Variants in MDFIC2 observed in about 807,000 individuals in gnomAD.
The protein encoded by MDFIC2 is myoD family inhibitor domain-containing protein 2.
intron 2 of MDFIC2, among the ~76,000 whole-genome samples, chr3:70,300,545 C>A (rs1702337366): frequency 1.3e-5 from 2 of 151,898 alleles, no homozygotes; most frequent in Admixed American, 1.3e-4. Flanking sequence ...AGCCTTTAAC[C>A]ATGTTACTTT....
chr3:70,290,863 A>G (rs768423318), intron 2 of MDFIC2, among the ~76,000 whole-genome samples: 5 of 152,120 alleles, frequency 3.3e-5, no homozygotes, highest in Non-Finnish European at 7.4e-5. Flanking sequence ...TAGGAAAGGG[A>G]ACTCGCTGAC....
chr3:70,271,421 A>T (rs1701974818), intron 2 of MDFIC2, among the ~76,000 whole-genome samples: 1 of 152,212 alleles, frequency 6.6e-6, no homozygotes, highest in African/African-American at 2.4e-5. Context: ...TGGGATGCAG[A>T]TTCAGTATCA....
chr3:70,212,552 C>A (rs1701361932), intron 2 of MDFIC2, among the ~76,000 whole-genome samples: 1 of 152,122 alleles, frequency 6.6e-6, no homozygotes, highest in Admixed American at 6.6e-5. Flanking sequence ...TTTTTCATTT[C>A]CATTACTGCC....
chr3:70,292,366 A>G (rs113357322), intron 2 of MDFIC2, among the ~76,000 whole-genome samples: 20 of 152,118 alleles, frequency 1.3e-4, no homozygotes, highest in African/African-American at 4.3e-4. Context: ...GTTGGCCTTG[A>G]TATCTTCAGC....
intron 2 of MDFIC2, among the ~76,000 whole-genome samples, chr3:70,212,352 T>G (rs1701359786): frequency 6.6e-6 from 1 of 152,144 alleles, no homozygotes; most frequent in Non-Finnish European, 1.5e-5. Context: ...AGCCCCTCAT[T>G]CTTCTCCCCA....
intron 2 of MDFIC2, among the ~76,000 whole-genome samples, chr3:70,270,371 T>C (rs1285456698): frequency 6.6e-6 from 1 of 152,170 alleles, no homozygotes; most frequent in Non-Finnish European, 1.5e-5. Flanking sequence ...TAAACTAGTA[T>C]TAAATTTTTT....
chr3:70,309,409 C>T (rs1702435832), intron 2 of MDFIC2, among the ~76,000 whole-genome samples: 1 of 152,094 alleles, frequency 6.6e-6, no homozygotes, highest in Non-Finnish European at 1.5e-5. Flanking sequence ...AAAAACATAA[C>T]TGTATTATTC....
At chr3:70,231,425 C>T (rs908953526) in intron 2 of MDFIC2, among the ~76,000 whole-genome samples, 3 of 152,198 alleles carry the variant, frequency 2.0e-5, no homozygotes, top group Non-Finnish European at 4.4e-5. Context: ...CCAGAGCTCC[C>T]GACGCCTTCC....
At chr3:70,247,942 T>A (rs919354159) in intron 2 of MDFIC2, among the ~76,000 whole-genome samples, 1 of 152,112 alleles carries the variant, frequency 6.6e-6, no homozygotes, top group Non-Finnish European at 1.5e-5. Flanking sequence ...ATGAGATCAA[T>A]CATTACATTC....
intron 2 of MDFIC2, among the ~76,000 whole-genome samples, chr3:70,214,362 A>C (rs1029161549): frequency 6.6e-6 from 1 of 152,128 alleles, no homozygotes; most frequent in Non-Finnish European, 1.5e-5. Flanking sequence ...CGTTAGATGA[A>C]ATGTTTATCA....
At chr3:70,260,370 C>G (rs1353232398) in intron 2 of MDFIC2, among the ~76,000 whole-genome samples, 2 of 152,110 alleles carry the variant, frequency 1.3e-5, no homozygotes, top group African/African-American at 4.8e-5. Flanking sequence ...ACGACTTTAT[C>G]TTAAGTTAGC....
intron 2 of MDFIC2, among the ~76,000 whole-genome samples, chr3:70,227,419 A>C (rs1366819397): frequency 6.6e-6 from 1 of 152,196 alleles, no homozygotes; most frequent in African/African-American, 2.4e-5. Flanking sequence ...CAAGTTCTGC[A>C]AAGAAGGCAA....
chr3:70,267,826 T>A (rs1701934918), intron 2 of MDFIC2, among the ~76,000 whole-genome samples: 1 of 152,130 alleles, frequency 6.6e-6, no homozygotes, highest in Non-Finnish European at 1.5e-5. Context: ...AGGTAAAAAA[T>A]GGAAATTTAA....
chr3:70,235,747 G>T (rs1701600529), intron 2 of MDFIC2, among the ~76,000 whole-genome samples: 1 of 152,196 alleles, frequency 6.6e-6, no homozygotes, highest in Admixed American at 6.5e-5. Flanking sequence ...ATAATTTATT[G>T]CTGTATGACT....
At position 70,309,645 on chromosome 3, in the gene MDFIC2, T is replaced by A. The variant is rs944486576; in HGVS notation, c.88+2241A>T. Among the ~76,000 whole-genome samples, 18 of 152,070 alleles carry A rather than the reference T, an allele frequency of 1.2e-4. No homozygotes were observed. The South Asian group carries it at 1.9e-3, about 16-fold the overall frequency. On this transcript the variant is annotated intron_variant, in intron 2 of 3. Coordinates refer to ENST00000567252, the MANE Select transcript of MDFIC2 (RefSeq NM_001364677.1). ...TTTTACTGCACCACTTTGACTTTTT[T>A]AAATATATGCCAACCCATATACTTT...
At chr3:70,305,646 T>C (rs1005766269) in intron 2 of MDFIC2, among the ~76,000 whole-genome samples, 23 of 152,216 alleles carry the variant, frequency 1.5e-4, no homozygotes, top group Non-Finnish European at 2.9e-5. Context: ...CCACATCAAA[T>C]GGTTGCTGAG....
intron 2 of MDFIC2, among the ~76,000 whole-genome samples, chr3:70,308,240 TA>T (rs1218296516): frequency 2.2e-5 from 3 of 134,016 alleles, no homozygotes; most frequent in Admixed American, 1.5e-4. Flanking sequence ...GTTTTTATTT[TA>T]TTTTTTTTTT....
intron 3 of MDFIC2, among the ~76,000 whole-genome samples, chr3:70,202,052 T>C (rs1373692673): frequency 6.6e-6 from 1 of 152,212 alleles, no homozygotes; most frequent in Non-Finnish European, 1.5e-5. Flanking sequence ...TGTGGTCTAA[T>C]AGTAGTTAGT....
chr3:70,253,966 A>G (rs879105964), intron 2 of MDFIC2, among the ~76,000 whole-genome samples: 1 of 152,204 alleles, frequency 6.6e-6, no homozygotes, highest in African/African-American at 2.4e-5. Flanking sequence ...GCTCTGTGGC[A>G]TAATATAGCT....
Sources: gnomAD v4.1 joint callset for allele counts (sites outside exome capture counted in the v4.1 genomes callset) on GRCh38, gnomAD v4.1.1 for gene constraint, MANE v1.5 for transcripts, NCBI Gene and HGNC (gene_info 2026-07-23, HGNC 2026-07-21) for gene names.